The following KLF12 variants were observed in gnomAD, a reference collection of about 807,000 sequenced individuals.
KLF12 encodes KLF transcription factor 12.
Under a neutral mutation model 37.8 loss-of-function variants are expected in KLF12, and 9 were observed. That is an observed-to-expected ratio of 0.24 (90% CI 0.14 to 0.42). The LOEUF is 0.42. Ranked by LOEUF, KLF12 falls within the 10% of genes least tolerant of loss-of-function variation. The pLI, the probability that KLF12 is intolerant of heterozygous loss-of-function variation, is 1.00. For missense variants in KLF12, 411 were observed against 516.0 expected (o/e 0.80, Z 1.97); for synonymous variants, 208 against 202.1 (o/e 1.03, Z -0.25).
intron 6 of KLF12, among the ~76,000 whole-genome samples, chr13:73,717,288 A>G (rs1449610227): frequency 6.6e-6 from 1 of 152,222 alleles, no homozygotes; most frequent in Non-Finnish European, 1.5e-5. Context: ...CTAGGCAAGA[A>G]GGAGAGACCC....
At chr13:74,155,588 C>T in the KLF12 span, among the ~76,000 whole-genome samples, 10 of 152,230 alleles carry the variant, frequency 6.6e-5, no homozygotes, top group African/African-American at 2.4e-4. Flanking sequence ...GTCTGCAACT[C>T]CTGACCTAAG....
chr13:73,752,188 G>A (rs1204517974), intron 6 of KLF12, among the ~76,000 whole-genome samples: 1 of 151,978 alleles, frequency 6.6e-6, no homozygotes, highest in Admixed American at 6.6e-5. Context: ...TTGTCATGCT[G>A]GCCAGGCTGG....
the KLF12 span, among the ~76,000 whole-genome samples, chr13:74,290,564 G>A: frequency 6.6e-6 from 1 of 152,210 alleles, no homozygotes; most frequent in Non-Finnish European, 1.5e-5. Flanking sequence ...AACCGCCAAT[G>A]AGACTGTATT....
intron 1 of KLF12, among the ~76,000 whole-genome samples, chr13:73,999,436 C>A (rs905052200): frequency 6.6e-6 from 1 of 152,084 alleles, no homozygotes; most frequent in African/African-American, 2.4e-5. Flanking sequence ...TTCCTTCAGA[C>A]AAAAACCCAG....
chr13:73,767,711 C>T (rs2138094102), intron 5 of KLF12, among the ~76,000 whole-genome samples: 1 of 152,116 alleles, frequency 6.6e-6, no homozygotes, highest in South Asian at 2.1e-4. Context: ...CAGTGCAGAG[C>T]TTAATTTAGC....
At chr13:73,797,690 A>G (rs1245523929) in intron 5 of KLF12, among the ~76,000 whole-genome samples, 3 of 146,402 alleles carry the variant, frequency 2.0e-5, no homozygotes, top group African/African-American at 7.6e-5. Context: ...TGATCCCTTG[A>G]GCCCAGGAGT....
At chr13:73,959,120 C>G (rs888461779) in intron 2 of KLF12, among the ~76,000 whole-genome samples, 1 of 12,272 alleles carries the variant, frequency 8.1e-5, no homozygotes, top group African/African-American at 1.6e-4. Flanking sequence ...CCACACCCCC[C>G]TTCCAAAAAA....
chr13:73,823,419 G>A (rs893088586), intron 4 of KLF12, among the ~76,000 whole-genome samples: 2 of 152,152 alleles, frequency 1.3e-5, no homozygotes, highest in African/African-American at 4.8e-5. Flanking sequence ...AAAAGCAAGG[G>A]GTGGGCGGAG....
intron 2 of KLF12, among the ~76,000 whole-genome samples, chr13:73,979,216 G>A (rs553318967): frequency 6.6e-6 from 1 of 152,092 alleles, no homozygotes; most frequent in African/African-American, 2.4e-5. Flanking sequence ...TGTAATAAAC[G>A]TATCATCCTG....
intron 5 of KLF12, among the ~76,000 whole-genome samples, chr13:73,782,268 C>T: frequency 6.6e-6 from 1 of 152,192 alleles, no homozygotes; most frequent in East Asian, 1.9e-4. Flanking sequence ...TGTGTTCTAT[C>T]CAAGTCTCAG....
At chr13:73,716,723 A>G (rs1875839924) in intron 6 of KLF12, among the ~76,000 whole-genome samples, 2 of 152,152 alleles carry the variant, frequency 1.3e-5, no homozygotes, top group South Asian at 2.1e-4. Context: ...TGCTGTTTAT[A>G]TCATTCTGCA....
intron 1 of KLF12, among the ~76,000 whole-genome samples, chr13:74,034,924 T>G (rs2138505022): frequency 6.6e-6 from 1 of 152,354 alleles, no homozygotes; most frequent in South Asian, 2.1e-4. Context: ...CCCATATACC[T>G]CTGTTCTGAT....
chr13:73,754,217 C>A (rs1450318730), intron 6 of KLF12, among the ~76,000 whole-genome samples: 5 of 152,136 alleles, frequency 3.3e-5, no homozygotes, highest in Admixed American at 2.0e-4. Context: ...GCTACCCAGG[C>A]TTCTTTCCAT....
At chr13:73,961,077 G>C (rs1237029377) in intron 2 of KLF12, among the ~76,000 whole-genome samples, 2 of 152,060 alleles carry the variant, frequency 1.3e-5, no homozygotes, top group Non-Finnish European at 2.9e-5. Context: ...ATTTACACTT[G>C]TCAGATTTTT....
intron 2 of KLF12, among the ~76,000 whole-genome samples, chr13:73,980,605 A>C (rs942835757): frequency 6.6e-6 from 1 of 152,244 alleles, no homozygotes. Flanking sequence ...TATACATTTA[A>C]TCAATCCTGA....
chr13:74,229,718 G>A, the KLF12 span, among the ~76,000 whole-genome samples: 2 of 152,270 alleles, frequency 1.3e-5, no homozygotes, highest in South Asian at 2.1e-4. Flanking sequence ...CAGCCCAGGA[G>A]CCACTAACAA....
intron 7 of KLF12, among the ~76,000 whole-genome samples, chr13:73,698,195 G>A (rs1451797864): frequency 6.6e-6 from 1 of 151,556 alleles, no homozygotes; most frequent in Non-Finnish European, 1.5e-5. Context: ...GAAAGGGGGA[G>A]GGGAAAGGGA....
At chr13:73,946,605 G>C (rs771087498) in intron 2 of KLF12, among the ~76,000 whole-genome samples, 2 of 151,970 alleles carry the variant, frequency 1.3e-5, no homozygotes, top group Non-Finnish European at 2.9e-5. Flanking sequence ...AAACATTCTC[G>C]ATTTTTTTAA....
At chr13:74,298,845 C>T in the KLF12 span, among the ~76,000 whole-genome samples, 1 of 152,144 alleles carries the variant, frequency 6.6e-6, no homozygotes, top group African/African-American at 2.4e-5. Context: ...TGTTTTGAAG[C>T]ACACATTTTA....
Sources: gnomAD v4.1 joint callset for allele counts (sites outside exome capture counted in the v4.1 genomes callset) on GRCh38, gnomAD v4.1.1 for gene constraint, MANE v1.5 for transcripts, NCBI Gene and HGNC (gene_info 2026-07-23, HGNC 2026-07-21) for gene names.